The following WDPCP variants were observed in gnomAD, a reference collection of about 807,000 sequenced individuals.
WDPCP encodes the protein WD repeat containing planar cell polarity effector.
In WDPCP, 71 loss-of-function variants were observed where a neutral mutation model predicts 93.1. The observed-to-expected ratio is 0.76, with a 90% confidence interval of 0.63 to 0.93. The LOEUF is 0.93. WDPCP is among the 40% of genes least tolerant of loss of function. The probability of loss-of-function intolerance (pLI) is 0.00; values close to 1 mark genes in which losing one functional copy is unlikely to be tolerated. For missense variants in WDPCP, 844 were observed against 887.4 expected, an observed-to-expected ratio of 0.95 and a Z score of 0.62; for synonymous variants, 315 against 315.0, an observed-to-expected ratio of 1.00 and a Z score of 0.00.
chr2:63,827,728 T>A (rs999044708), exon 1 of WDPCP: 2 of 152,212 alleles, frequency 1.3e-5, no homozygotes, highest in Non-Finnish European at 2.9e-5. Flanking sequence ...CTGGCTTCAT[T>A]TTCAGGCTTC....
At chr2:63,202,447 C>T (rs1024221556) in intron 14 of WDPCP, among the ~76,000 whole-genome samples, 1 of 152,096 alleles carries the variant, frequency 6.6e-6, no homozygotes, top group Non-Finnish European at 1.5e-5. Flanking sequence ...TATCAGAATT[C>T]AGAGTTTACT....
At chr2:63,818,411 G>A (rs1041092868) in intron 1 of WDPCP, among the ~76,000 whole-genome samples, 2 of 152,164 alleles carry the variant, frequency 1.3e-5, no homozygotes, top group Non-Finnish European at 2.9e-5. Flanking sequence ...CACATAATCA[G>A]TGTTGACCTT....
At chr2:63,673,589 T>C (rs1382905898) in intron 2 of WDPCP, among the ~76,000 whole-genome samples, 5 of 151,978 alleles carry the variant, frequency 3.3e-5, no homozygotes, top group African/African-American at 1.2e-4. Context: ...TCAGCTACAC[T>C]CTCCACAAGA....
chr2:63,330,257 T>C (rs1252482374), intron 12 of WDPCP, among the ~76,000 whole-genome samples: 1 of 152,188 alleles, frequency 6.6e-6, no homozygotes, highest in Admixed American at 6.5e-5. Context: ...CCTTTTGACT[T>C]TTTGGTTAGT....
At chr2:63,249,018 T>C (rs1220333984) in intron 14 of WDPCP, among the ~76,000 whole-genome samples, 1 of 152,206 alleles carries the variant, frequency 6.6e-6, no homozygotes, top group Non-Finnish European at 1.5e-5. Context: ...AAGATGTCTG[T>C]GCTTTCTCAG....
intron 1 of WDPCP, among the ~76,000 whole-genome samples, chr2:63,557,566 A>T (rs1470103689): frequency 1.3e-5 from 2 of 152,176 alleles, no homozygotes; most frequent in Non-Finnish European, 2.9e-5. Flanking sequence ...ACAGCTAGAG[A>T]CTTTAACACC....
At chr2:63,360,987 A>G (rs1297946631) in intron 12 of WDPCP, among the ~76,000 whole-genome samples, 1 of 152,224 alleles carries the variant, frequency 6.6e-6, no homozygotes, top group Non-Finnish European at 1.5e-5. Flanking sequence ...GCAGTGTCTG[A>G]ATAATTTTAA....
At chr2:63,781,055 C>T (rs181739993) in intron 2 of WDPCP, among the ~76,000 whole-genome samples, 22 of 152,264 alleles carry the variant, frequency 1.4e-4, no homozygotes, top group Admixed American at 4.6e-4. Flanking sequence ...AGGTCTGTTA[C>T]AGAATTGGTT....
At chr2:63,633,340 G>GT (rs1575734890) in intron 3 of WDPCP, among the ~76,000 whole-genome samples, 2 of 152,238 alleles carry the variant, frequency 1.3e-5, no homozygotes, top group East Asian at 3.9e-4. Flanking sequence ...GCTAATTATT[G>GT]TAATAGTATA....
intron 3 of WDPCP, chr2:63,600,120 G>A (rs1368506296): frequency 6.6e-6 from 1 of 151,804 alleles, no homozygotes; most frequent in Non-Finnish European, 1.5e-5. Flanking sequence ...AAAAAAAATT[G>A]TTGTTAACCA....
chr2:63,480,355 C>T (rs937825924), intron 6 of WDPCP, among the ~76,000 whole-genome samples: 1 of 151,894 alleles, frequency 6.6e-6, no homozygotes, highest in African/African-American at 2.4e-5. Context: ...CAAATACCAC[C>T]ACCATTCTTC....
In WDPCP at chr2:63,522,522, G is replaced by A. The variant is rs181498365; in HGVS notation, c.76-29582C>T. ...AACATACAAAAGATCAATGAATCCA[G>A]GAGCTGGTTCCTTGAAAGAATTAAT... On this transcript the variant is annotated intron_variant, in intron 1 of 17. Transcript: ENST00000272321. Among the ~76,000 whole-genome samples the A allele has an allele frequency of 1.5e-3, 221 of 146,234 alleles. 1 individual carries two copies. The highest frequency in any genetic ancestry group is 2.4e-3 in the Non-Finnish European group (159 of 67,228).
intron 12 of WDPCP, among the ~76,000 whole-genome samples, chr2:63,352,784 C>G (rs943655711): frequency 6.6e-6 from 1 of 152,164 alleles, no homozygotes; most frequent in African/African-American, 2.4e-5. Context: ...AGGAATGACA[C>G]ATTCTCTACT....
At chr2:63,176,390 G>A (rs1673804537) in intron 14 of WDPCP, among the ~76,000 whole-genome samples, 1 of 151,986 alleles carries the variant, frequency 6.6e-6, no homozygotes, top group East Asian at 1.9e-4. Flanking sequence ...GGGACTACAG[G>A]TGTGTACCAC....
chr2:63,410,609 A>G (rs2105258986), intron 9 of WDPCP, among the ~76,000 whole-genome samples: 1 of 152,356 alleles, frequency 6.6e-6, no homozygotes, highest in South Asian at 2.1e-4. Context: ...AGAATGGGTA[A>G]GAACTCACCT....
intron 2 of WDPCP, among the ~76,000 whole-genome samples, chr2:63,740,511 T>C (rs1201108501): frequency 4.6e-5 from 7 of 152,150 alleles, no homozygotes; most frequent in African/African-American, 1.7e-4. Flanking sequence ...CGCAACCAAT[T>C]TGTAAATAGA....
At chr2:63,313,400 G>GT in intron 12 of WDPCP, 89 bp from the exon 13 acceptor site, 2 of 1,280,006 alleles carry the variant, frequency 1.6e-6, no homozygotes, top group Non-Finnish European at 2.2e-6. Context: ...CTGTGATACT[G>GT]TTTTTGTCCT....
chr2:63,673,012 C>A (rs891637841), intron 2 of WDPCP, among the ~76,000 whole-genome samples: 6 of 152,140 alleles, frequency 3.9e-5, no homozygotes, highest in Non-Finnish European at 7.3e-5. Context: ...CTCAGCCTCC[C>A]AAAGTGCTGG....
chr2:63,549,769 A>C (rs1705439090), intron 1 of WDPCP, among the ~76,000 whole-genome samples: 1 of 152,216 alleles, frequency 6.6e-6, no homozygotes, highest in Admixed American at 6.5e-5. Flanking sequence ...TCCATCTCAA[A>C]AAAACAAAAA....
Sources: allele counts gnomAD v4.1 joint callset (sites outside exome capture counted in the v4.1 genomes callset), GRCh38; gene constraint gnomAD v4.1.1; transcripts MANE v1.5; gene names NCBI Gene and HGNC (gene_info 2026-07-23, HGNC 2026-07-21).